The following BIRC6 variants were observed in gnomAD, a reference collection of about 807,000 sequenced individuals.
The protein encoded by BIRC6 is dual E2 ubiquitin-conjugating enzyme/E3 ubiquitin-protein ligase BIRC6.
In BIRC6, 98 loss-of-function variants were observed where a neutral mutation model predicts 503.3. The ratio of observed to expected loss-of-function variants is 0.19; its 90% CI spans 0.17 to 0.23. The LOEUF is 0.23. Ranked by LOEUF, BIRC6 falls within the 10% of genes least tolerant of loss-of-function variation. The probability of loss-of-function intolerance (pLI) is 1.00; values close to 1 mark genes in which losing one functional copy is unlikely to be tolerated. For missense variants in BIRC6, 5,360 were observed against 5,806.0 expected (o/e 0.92, Z 2.50); for synonymous variants, 2,240 against 2,078.7 (o/e 1.08, Z -2.11).
rs533677484 is a variant in BIRC6 at position 32,429,463 on chromosome 2, A to G, written c.3022+168A>G. Among the ~76,000 whole-genome samples the G allele has an allele frequency of 2.0e-5, 3 of 152,314 alleles. No homozygotes were observed. The South Asian group carries it at 6.2e-4, about 32-fold the overall frequency. On this transcript the variant is annotated intron_variant, in intron 11 of 73. Transcript: ENST00000421745. The stretch of plus-strand genomic sequence containing the variant: ...TCTAAGAGGTTAAAACAAACATTTC[A>G]GCCATTAATGAGCTTTTAGTCTAAT...
At chr2:32,541,748 C>G (rs771583261) in intron 61 of BIRC6, among the ~76,000 whole-genome samples, 1 of 152,072 alleles carries the variant, frequency 6.6e-6, no homozygotes, top group Non-Finnish European at 1.5e-5. Context: ...GTAGGGCAAC[C>G]ATGCTCAGAA....
At chr2:32,459,380 A>G (rs1013964758) in intron 23 of BIRC6, among the ~76,000 whole-genome samples, 3 of 152,034 alleles carry the variant, frequency 2.0e-5, no homozygotes, top group Non-Finnish European at 2.9e-5. Context: ...TGCTGTGAAC[A>G]TGTTTGTGTA....
At chr2:32,524,821 AAC>A (rs112602265) in intron 57 of BIRC6, 65 bp from the exon 58 acceptor site, 2 of 1,093,064 alleles carry the variant, frequency 1.8e-6, no homozygotes, top group East Asian at 3.2e-5. Context: ...CTCCCTCTGA[AAC>A]ATATATTACT....
chr2:32,382,351 A>G (rs1018915886), intron 3 of BIRC6, among the ~76,000 whole-genome samples: 7 of 152,238 alleles, frequency 4.6e-5, no homozygotes, highest in African/African-American at 1.7e-4. Context: ...TCGGAATGCT[A>G]AAACAACCAA....
At chr2:32,454,649 G>A (rs977903710) in intron 23 of BIRC6, among the ~76,000 whole-genome samples, 1 of 152,164 alleles carries the variant, frequency 6.6e-6, no homozygotes, top group South Asian at 2.1e-4. Flanking sequence ...TGATGGTTTT[G>A]TGTCATTGGG....
chr2:32,373,837 C>T (rs927731857), intron 1 of BIRC6, among the ~76,000 whole-genome samples: 2 of 152,142 alleles, frequency 1.3e-5, no homozygotes, highest in African/African-American at 4.8e-5. Flanking sequence ...CAGAAGCAAC[C>T]TAAGTGTCTG....
chr2:32,569,820 A>G (rs1178269027), intron 65 of BIRC6, among the ~76,000 whole-genome samples: 1 of 152,174 alleles, frequency 6.6e-6, no homozygotes, highest in African/African-American at 2.4e-5. Context: ...TATCAAATCC[A>G]AGAGTTTCTC....
At chr2:32,395,084 T>G (rs1573906273) in intron 5 of BIRC6, among the ~76,000 whole-genome samples, 1 of 151,710 alleles carries the variant, frequency 6.6e-6, no homozygotes, top group Non-Finnish European at 1.5e-5. Flanking sequence ...CCCGGGGAGG[T>G]GGAGCTTGCA....
intron 51 of BIRC6, among the ~76,000 whole-genome samples, chr2:32,508,856 G>A (rs895668064): frequency 2.0e-5 from 3 of 152,034 alleles, no homozygotes; most frequent in African/African-American, 4.8e-5. Context: ...AGGCCAAGGC[G>A]GGCGGATCAC....
At position 32,369,926 on chromosome 2, in the gene BIRC6, T is replaced by TAAAAAA. The variant is rs756693528; in HGVS notation, c.326-7647_326-7642dup. On this transcript the variant is annotated intron_variant, in intron 1 of 73. Coordinates refer to ENST00000421745, the MANE Select transcript of BIRC6 (RefSeq NM_016252.4). ...GGCAACATAGTGAGACCCTGTCTCT[T>TAAAAAA]AAAAAAAAAAAAAAAAAAAATATAT... 8.5e-4 allele frequency among the ~76,000 whole-genome samples: 32 copies of TAAAAAA among 37,764 alleles called. 1 individual carries two copies. Among genetic ancestry groups the TAAAAAA allele is most frequent in the South Asian group, 1.4e-3 (1 of 730 alleles). The allele number at this position is 37,764 out of a possible 152,430, so 24.8% of individuals were successfully genotyped here.
intron 59 of BIRC6, chr2:32,528,138 A>T (rs1288719552): frequency 6.6e-6 from 1 of 152,230 alleles, no homozygotes; most frequent in Non-Finnish European, 1.5e-5. Context: ...CTTCTTAACT[A>T]AAAAACACAG....
At chr2:32,587,904 A>G (rs1355785717) in intron 66 of BIRC6, among the ~76,000 whole-genome samples, 4 of 152,176 alleles carry the variant, frequency 2.6e-5, no homozygotes, top group South Asian at 2.1e-4. Flanking sequence ...CTAAATATCC[A>G]TAGTATTCTA....
chr2:32,613,186 G>GGTTT lies in BIRC6; in HGVS notation c.14394+1629_14394+1632dup, dbSNP rs141023018. 6.3e-3 allele frequency among the ~76,000 whole-genome samples: 956 copies of GGTTT among 150,958 alleles called. 2 individuals are homozygous for GGTTT. The highest frequency in any genetic ancestry group is 9.7e-3 in the Admixed American group (145 of 15,020). On this transcript the variant is annotated intron_variant, in intron 73 of 73. Transcript: ENST00000421745. ...CACTTCATGGAACCCTGCCTTGACT[G>GGTTT]GTTTGTTTGTTTGTTTGTTTGTTTG...
intron 5 of BIRC6, among the ~76,000 whole-genome samples, chr2:32,394,155 ATTTT>A (rs1220978056): frequency 5.1e-4 from 73 of 142,636 alleles, no homozygotes; most frequent in African/African-American, 1.9e-3. Flanking sequence ...TGATGCCTTG[ATTTT>A]TTTTTTTTCT....
Position 32,515,461 on chromosome 2 carries a change from C to T in BIRC6, c.11040C>T (p.Ala3680=), listed in dbSNP as rs770475469. 3.1e-6 allele frequency: 5 copies of T among 1,613,334 alleles called. No individual in the cohort carries two copies. Among genetic ancestry groups the T allele is most frequent in the Non-Finnish European group, 3.4e-6 (4 of 1,179,868 alleles). Residue 3680 remains alanine, a synonymous_variant, in exon 55 of 74, where the codon GCC becomes GCT. Transcript: ENST00000421745. ...AATGTAATAAGATGCCTATCACAGC[C>T]GACCTAGTTGCTCCTATTCTTAGGT... is the stretch of plus-strand genomic sequence containing the variant. ...PQQCNKMPIT[A]DLVAPILRFL...
intron 26 of BIRC6, 21 bp downstream of exon 26, chr2:32,465,185 A>ATTTTT (rs374940577): frequency 9.6e-5 from 81 of 847,722 alleles, no homozygotes; most frequent in South Asian, 2.9e-4. Flanking sequence ...ACTTTCTTAA[A>ATTTTT]TTTTTTTTTT....
intron 23 of BIRC6, among the ~76,000 whole-genome samples, chr2:32,461,112 C>CCT (rs2047911252): frequency 7.9e-5 from 1 of 12,648 alleles, no homozygotes; most frequent in African/African-American, 3.4e-4. Context: ...CCTCTCCTCT[C>CCT]CTCTCCTCTC....
At chr2:32,464,990 A>G (rs1572417870) in intron 25 of BIRC6, 75 bp from the exon 26 acceptor site, 22 of 1,316,884 alleles carry the variant, frequency 1.7e-5, no homozygotes, top group Non-Finnish European at 1.6e-5. Context: ...TTAATTTGCT[A>G]TTATGGTTAG....
Position 32,508,019 on chromosome 2 carries a change from G to C in BIRC6, c.9740G>C (p.Gly3247Ala). 4 of 1,613,848 alleles carry C rather than the reference G, an allele frequency of 2.5e-6. No homozygotes were observed. The highest frequency in any genetic ancestry group is 3.4e-6 in the Non-Finnish European group (4 of 1,179,850). ...SSVSVEVSAD[G>A]VNMLPLSTPV... ...GTGTCTGTTGAAGTAAGTGCAGATG[G>C]GGTAAATATGCTACCTTTGTCCACT... Residue 3247 changes from glycine (G) to alanine (A), a missense_variant, in exon 51 of 74, where the codon GGG becomes GCG. Transcript: ENST00000421745.
Sources: gnomAD v4.1 joint callset for allele counts (sites outside exome capture counted in the v4.1 genomes callset) on GRCh38, gnomAD v4.1.1 for gene constraint, MANE v1.5 for transcripts, NCBI Gene and HGNC (gene_info 2026-07-23, HGNC 2026-07-21) for gene names.